Variants in VWC2 observed in about 807,000 individuals in gnomAD.
VWC2 encodes the protein brorin.
A neutral mutation model predicts 29.8 loss-of-function variants in VWC2; 14 were observed. That is an observed-to-expected ratio of 0.47 (90% CI 0.31 to 0.74). The LOEUF (loss-of-function observed/expected upper bound fraction) is 0.74, where lower values mean the gene tolerates loss of function less well. Ranked by LOEUF, VWC2 falls within the 30% of genes least tolerant of loss-of-function variation. The pLI, the probability that VWC2 is intolerant of heterozygous loss-of-function variation, is 0.05. For synonymous variants in VWC2, 213 were observed against 199.0 expected, an observed-to-expected ratio of 1.07 and a Z score of -0.59; for missense variants, 457 against 459.8, an observed-to-expected ratio of 0.99 and a Z score of 0.05.
chr7:49,775,129 G>A (rs1352913558), intron 1 of VWC2, among the ~76,000 whole-genome samples: 1 of 152,156 alleles, frequency 6.6e-6, no homozygotes, highest in Non-Finnish European at 1.5e-5. Context: ...GGCCGGTGTC[G>A]TTCTTGGATT....
intron 3 of VWC2, among the ~76,000 whole-genome samples, chr7:49,901,762 A>G (rs939210362): frequency 4.7e-5 from 7 of 149,480 alleles, no homozygotes; most frequent in Non-Finnish European, 1.0e-4. Context: ...ACGTAGCTGA[A>G]CTTAATATAA....
At chr7:49,866,416 TGTG>T (rs760498547) in intron 3 of VWC2, among the ~76,000 whole-genome samples, 2 of 152,234 alleles carry the variant, frequency 1.3e-5, no homozygotes, top group Non-Finnish European at 2.9e-5. Context: ...AGGGCTCTCC[TGTG>T]GTGGTCTCAG....
intron 3 of VWC2, among the ~76,000 whole-genome samples, chr7:49,862,243 AATT>A (rs1322074396): frequency 6.6e-6 from 1 of 152,218 alleles, no homozygotes; most frequent in African/African-American, 2.4e-5. Flanking sequence ...ATTGAAATAG[AATT>A]GCTCTCTTAA....
chr7:49,803,589 C>T (rs1048709329), intron 3 of VWC2, among the ~76,000 whole-genome samples: 5 of 152,294 alleles, frequency 3.3e-5, no homozygotes, highest in African/African-American at 9.6e-5. Context: ...CTGACAGGAG[C>T]GACTGGGCTT....
chr7:49,891,073 A>T (rs1166701083), intron 3 of VWC2, among the ~76,000 whole-genome samples: 4 of 152,244 alleles, frequency 2.6e-5, no homozygotes, highest in African/African-American at 7.2e-5. Flanking sequence ...TTTTTAAGAC[A>T]AAGATTTTCA....
At chr7:49,775,298 C>T in intron 1 of VWC2, 35 bp from the exon 2 acceptor site, 2 of 520,136 alleles carry the variant, frequency 3.8e-6, no homozygotes, top group Non-Finnish European at 5.7e-6. Context: ...GCGCGCGGGC[C>T]GCGGGGCTCA....
chr7:49,775,563 C>G lies in VWC2; in HGVS notation c.128C>G (p.Pro43Arg), dbSNP rs866082824. The part of the protein sequence containing the change: ...LEKLAQAPEQ[P>R]GQEKREHASR... ...AAGCTGGCCCAGGCACCAGAGCAGC[C>G]GGGCCAGGAGAAGCGTGAGCACGCC... The change falls in exon 2 of 4, where the codon CCG becomes CGG. Residue 43 changes from proline (P) to arginine (R), a missense_variant. Physicochemically the swap from Pro to Arg is moderately radical, Grantham distance 103 (BLOSUM62 -2). Transcript: ENST00000340652. 2.8e-5 allele frequency: 44 copies of G among 1,547,196 alleles called. No homozygotes were observed. Among genetic ancestry groups the G allele is most frequent in the Non-Finnish European group, 3.7e-5 (42 of 1,149,400 alleles).
At chr7:49,791,378 T>A (rs567540948) in intron 2 of VWC2, among the ~76,000 whole-genome samples, 2 of 152,330 alleles carry the variant, frequency 1.3e-5, no homozygotes, top group African/African-American at 4.8e-5. Context: ...AACTTCTTAA[T>A]CTGAGGTCAT....
At chr7:49,819,473 C>CT (rs1789218329) in intron 3 of VWC2, among the ~76,000 whole-genome samples, 1 of 152,232 alleles carries the variant, frequency 6.6e-6, no homozygotes, top group Admixed American at 6.5e-5. Context: ...ACGGGCCATG[C>CT]TGTGCAGCCT....
chr7:49,800,732 A>G (rs2128705568), intron 2 of VWC2, among the ~76,000 whole-genome samples: 1 of 151,664 alleles, frequency 6.6e-6, no homozygotes, highest in East Asian at 2.0e-4. Context: ...CTTGCTATGT[A>G]TATATCCCCC....
intron 3 of VWC2, among the ~76,000 whole-genome samples, chr7:49,804,111 G>C (rs1052679131): frequency 3.3e-5 from 5 of 151,738 alleles, no homozygotes; most frequent in Non-Finnish European, 7.4e-5. Context: ...AAGAAATCCT[G>C]AGGTAGGATT....
rs570813527 is a variant in VWC2 at position 49,833,798 on chromosome 7, A to G, written c.826+30958A>G. ...CTTGAACCAGACAAGAGTTGACCCC[A>G]AGTTCCTGAAAAACAATGTAAGCAA... On this transcript the variant is annotated intron_variant, in intron 3 of 3. Coordinates refer to ENST00000340652, the MANE Select transcript of VWC2 (RefSeq NM_198570.5). 6.6e-4 allele frequency among the ~76,000 whole-genome samples: 100 copies of G among 152,300 alleles called. 1 individual carries two copies. The South Asian group carries it at 0.02, about 31-fold the overall frequency.
intron 3 of VWC2, among the ~76,000 whole-genome samples, chr7:49,855,971 A>G (rs554053389): frequency 2.0e-4 from 30 of 152,286 alleles, no homozygotes; most frequent in African/African-American, 7.2e-4. Flanking sequence ...TGCTGCTGTG[A>G]GAAAGGGTTT....
At chr7:49,776,494 G>A (rs1176042638) in intron 2 of VWC2, among the ~76,000 whole-genome samples, 1 of 152,114 alleles carries the variant, frequency 6.6e-6, no homozygotes, top group Non-Finnish European at 1.5e-5. Flanking sequence ...TCAAACACAG[G>A]GTAATTTACG....
intron 2 of VWC2, among the ~76,000 whole-genome samples, chr7:49,796,665 C>A (rs1028819797): frequency 6.6e-6 from 1 of 152,158 alleles, no homozygotes; most frequent in South Asian, 2.1e-4. Flanking sequence ...AGTGGAAAGA[C>A]ATTCAAGACA....
chr7:49,912,290 A>T lies in VWC2; in HGVS notation c.*105A>T. 8.4e-7 allele frequency: 1 copy of T among 1,187,818 alleles called. No individual in the cohort carries two copies. Among genetic ancestry groups the T allele is most frequent in the Non-Finnish European group, 1.1e-6 (1 of 872,216 alleles). 73.6% of individuals were successfully genotyped at this position (1,187,818 alleles called of 1,614,324 possible). A position where few individuals can be genotyped will look rare whatever the true frequency, so the allele number is the denominator to read the frequency against. On this transcript the variant is annotated 3_prime_UTR_variant, in exon 4 of 4. Coordinates refer to ENST00000340652, the MANE Select transcript of VWC2 (RefSeq NM_198570.5). The stretch of plus-strand genomic sequence containing the variant: ...CAGTCAAAGAAGACTTTTGATGAGG[A>T]ATAATGGAAAATTGTTGGTACTTTT...
intron 3 of VWC2, among the ~76,000 whole-genome samples, chr7:49,803,516 G>T (rs577655521): frequency 5.1e-4 from 77 of 152,342 alleles, no homozygotes; most frequent in Non-Finnish European, 8.7e-4. Context: ...AGGCTGAGCA[G>T]AGCTTGGGAA....
chr7:49,784,671 A>C (rs940747019), intron 2 of VWC2, among the ~76,000 whole-genome samples: 6 of 152,222 alleles, frequency 3.9e-5, no homozygotes, highest in Admixed American at 3.9e-4. Context: ...GTTTTCCCCA[A>C]GTCATTGCCA....
At chr7:49,779,187 G>A (rs987489951) in intron 2 of VWC2, among the ~76,000 whole-genome samples, 7 of 152,116 alleles carry the variant, frequency 4.6e-5, no homozygotes, top group Non-Finnish European at 7.3e-5. Flanking sequence ...GCAGGAGTGC[G>A]GTTTCTCCCT....
Sources: allele counts gnomAD v4.1 joint callset (sites outside exome capture counted in the v4.1 genomes callset), GRCh38; gene constraint gnomAD v4.1.1; transcripts MANE v1.5; gene names NCBI Gene and HGNC (gene_info 2026-07-23, HGNC 2026-07-21).